The following LIMS1 variants were observed in gnomAD, a reference collection of about 807,000 sequenced individuals.
LIMS1 encodes LIM zinc finger domain containing 1.
LIMS1 carries 18 observed loss-of-function variants against 44.1 expected under a neutral mutation model. That is an observed-to-expected ratio of 0.41 (90% CI 0.28 to 0.61). The LOEUF (loss-of-function observed/expected upper bound fraction) is 0.61, where lower values mean the gene tolerates loss of function less well. Among genes scored for constraint, LIMS1 ranks in the 20% least tolerant of loss-of-function variants. The pLI, the probability that LIMS1 is intolerant of heterozygous loss-of-function variation, is 0.32. For synonymous variants in LIMS1, 93 were observed against 149.1 expected (o/e 0.62, Z 2.74); for missense variants, 201 against 422.0 (o/e 0.48, Z 4.59).
intron 1 of LIMS1, among the ~76,000 whole-genome samples, chr2:108,640,988 A>C (rs1302562335): frequency 6.6e-6 from 1 of 151,984 alleles, no homozygotes; most frequent in East Asian, 1.9e-4. Context: ...TAATTCTGTG[A>C]GTTCAATTGT....
intron 5 of LIMS1, among the ~76,000 whole-genome samples, 167 bp from the exon 6 acceptor site, chr2:108,675,711 T>G (rs916548045): frequency 6.6e-6 from 1 of 152,204 alleles, no homozygotes; most frequent in Non-Finnish European, 1.5e-5. Flanking sequence ...TGAAACCTGT[T>G]CAGGCCTATT....
chr2:108,586,564 G>A (rs144640264), intron 1 of LIMS1, among the ~76,000 whole-genome samples: 177 of 152,344 alleles, frequency 1.2e-3, no homozygotes, highest in African/African-American at 3.7e-3. Context: ...AGCATGGTAC[G>A]TCCTTATGCG....
At chr2:108,540,368 T>G (rs1684278903) in intron 1 of LIMS1, among the ~76,000 whole-genome samples, 1 of 152,038 alleles carries the variant, frequency 6.6e-6, no homozygotes, top group Admixed American at 6.6e-5. Context: ...CTGGCTAATT[T>G]TTTGTATTTT....
intron 1 of LIMS1, among the ~76,000 whole-genome samples, chr2:108,637,530 A>G (rs2148909679): frequency 6.6e-6 from 1 of 152,296 alleles, no homozygotes; most frequent in Non-Finnish European, 1.5e-5. Flanking sequence ...TACAGCCACT[A>G]CAGCCGTGTC....
chr2:108,667,997 T>G (rs1181845280), intron 2 of LIMS1, among the ~76,000 whole-genome samples: 2 of 152,220 alleles, frequency 1.3e-5, no homozygotes, highest in African/African-American at 2.4e-5. Context: ...TTTTTTATCC[T>G]TGGTTGATCG....
chr2:108,588,675 C>T (rs1191337898), intron 1 of LIMS1: 3 of 883,178 alleles, frequency 3.4e-6, no homozygotes, highest in Non-Finnish European at 4.1e-6. Flanking sequence ...CTACCTTTCT[C>T]AGTTATTTAA....
At chr2:108,535,986 T>G (rs1402082125) in intron 1 of LIMS1, among the ~76,000 whole-genome samples, 3 of 152,134 alleles carry the variant, frequency 2.0e-5, no homozygotes, top group African/African-American at 7.2e-5. Context: ...ATAACAATAA[T>G]TTGTACTCCT....
At position 108,562,924 on chromosome 2, in the gene LIMS1, C is replaced by T. The variant is rs2104614898; in HGVS notation, c.32+28330C>T. ...ACTCTCTTGTTAGGAGATAATGTAC[C>T]TAGTGACTTTAAATTGAAGCCAGTG... On this transcript the variant is annotated intron_variant, in intron 1 of 9. Transcript: ENST00000544547. Among the ~76,000 whole-genome samples the T allele has an allele frequency of 2.0e-5, 3 of 152,298 alleles. No homozygotes were observed. In the South Asian group the frequency reaches 6.2e-4, roughly 32 times the overall value.
intron 9 of LIMS1, 124 bp from the exon 10 acceptor site, chr2:108,683,761 A>G (rs1043421608): frequency 2.0e-5 from 9 of 458,220 alleles, no homozygotes; most frequent in Admixed American, 8.1e-5. Context: ...TTTTACTAAC[A>G]TGAATATAAT....
chr2:108,636,916 G>A (rs1689296569), intron 1 of LIMS1, among the ~76,000 whole-genome samples: 1 of 152,104 alleles, frequency 6.6e-6, no homozygotes, highest in Non-Finnish European at 1.5e-5. Context: ...TGTTACATGA[G>A]CACCAGCTTA....
rs1444287759 is a variant in LIMS1 at position 108,567,903 on chromosome 2, G to A, written c.32+33309G>A. On this transcript the variant is annotated intron_variant, in intron 1 of 9. Transcript: ENST00000544547. Reference sequence around the variant, plus strand: ...ATGTTCTTGTTTGTTTCCAAATAACGTGGTGGCAGGAGGTGCTACTTGCAA... The same window carrying A: ...ATGTTCTTGTTTGTTTCCAAATAACATGGTGGCAGGAGGTGCTACTTGCAA... Among the ~76,000 whole-genome samples, 9 of 152,272 alleles carry A rather than the reference G, an allele frequency of 5.9e-5. No individual in the cohort carries two copies. In the East Asian group the frequency reaches 7.7e-4, roughly 13 times the overall value.
intron 2 of LIMS1, among the ~76,000 whole-genome samples, chr2:108,661,040 A>T (rs1259991193): frequency 1.4e-5 from 2 of 137,966 alleles, no homozygotes; most frequent in South Asian, 5.2e-4. Flanking sequence ...ATCATTGGTA[A>T]GTCCATTGTA....
At chr2:108,637,503 G>A (rs1303974836) in intron 1 of LIMS1, among the ~76,000 whole-genome samples, 1 of 152,170 alleles carries the variant, frequency 6.6e-6, no homozygotes, top group Non-Finnish European at 1.5e-5. Flanking sequence ...GTTATTTAGA[G>A]CCAGATACTC....
At chr2:108,606,643 A>G (rs1292924046) in intron 1 of LIMS1, among the ~76,000 whole-genome samples, 1 of 152,244 alleles carries the variant, frequency 6.6e-6, no homozygotes, top group Non-Finnish European at 1.5e-5. Context: ...AGAGCAACCA[A>G]CGTATAAACA....
chr2:108,567,284 G>A (rs1163820101), intron 1 of LIMS1, among the ~76,000 whole-genome samples: 1 of 152,036 alleles, frequency 6.6e-6, no homozygotes, highest in Non-Finnish European at 1.5e-5. Context: ...TGTTAAAATC[G>A]TCGCAGTGTG....
chr2:108,662,729 C>G (rs1335636187), intron 2 of LIMS1: 198 of 934,446 alleles, frequency 2.1e-4, no homozygotes, highest in Non-Finnish European at 2.5e-4. Context: ...GGAAACTTAC[C>G]CAGTTTGCCT....
At chr2:108,610,121 C>T (rs886665137) in intron 1 of LIMS1, among the ~76,000 whole-genome samples, 4 of 148,508 alleles carry the variant, frequency 2.7e-5, no homozygotes, top group East Asian at 1.9e-4. Flanking sequence ...CCAGACTGGG[C>T]GACAAAGTGA....
At chr2:108,638,014 G>A (rs190276509) in intron 1 of LIMS1, among the ~76,000 whole-genome samples, 3 of 152,008 alleles carry the variant, frequency 2.0e-5, no homozygotes, top group East Asian at 3.9e-4. Context: ...CACCGTGCCC[G>A]GCTAATTTTT....
chr2:108,586,730 C>T (rs1573378200), intron 1 of LIMS1, among the ~76,000 whole-genome samples: 1 of 152,130 alleles, frequency 6.6e-6, no homozygotes, highest in East Asian at 1.9e-4. Context: ...GAGCTGCCTT[C>T]CTAGAGGGAA....
Sources: gnomAD v4.1 joint callset for allele counts (sites outside exome capture counted in the v4.1 genomes callset) on GRCh38, gnomAD v4.1.1 for gene constraint, MANE v1.5 for transcripts, NCBI Gene and HGNC (gene_info 2026-07-23, HGNC 2026-07-21) for gene names.